The following PDE1A variants were observed in gnomAD, a reference collection of about 807,000 sequenced individuals.
PDE1A encodes phosphodiesterase 1A, also known as dual specificity calcium/calmodulin-dependent 3',5'-cyclic nucleotide phosphodiesterase 1A.
A neutral mutation model predicts 61.7 loss-of-function variants in PDE1A; 35 were observed. That is an observed-to-expected ratio of 0.57 (90% CI 0.43 to 0.75). The LOEUF (loss-of-function observed/expected upper bound fraction) is 0.75. Ranked by LOEUF, PDE1A falls within the 30% of genes least tolerant of loss-of-function variation. The pLI is 0.00. For missense variants in PDE1A, 597 were observed against 630.6 expected (o/e 0.95, Z 0.57); for synonymous variants, 232 against 213.2 (o/e 1.09, Z -0.77).
At chr2:182,399,136 T>C (rs1026461625) in intron 1 of PDE1A, among the ~76,000 whole-genome samples, 9 of 152,018 alleles carry the variant, frequency 5.9e-5, no homozygotes, top group Non-Finnish European at 1.5e-5. Context: ...CAGTTTAGCC[T>C]ATAATTAGAA....
At chr2:182,207,404 G>A (rs1472745224) in intron 7 of PDE1A, among the ~76,000 whole-genome samples, 1 of 152,184 alleles carries the variant, frequency 6.6e-6, no homozygotes, top group Non-Finnish European at 1.5e-5. Context: ...GAAATCTGTG[G>A]AATTTTGAAC....
the PDE1A span, among the ~76,000 whole-genome samples, chr2:182,678,780 G>A: frequency 6.6e-6 from 1 of 152,134 alleles, no homozygotes; most frequent in African/African-American, 2.4e-5. Flanking sequence ...TAGAGTAGTG[G>A]TTACCAGAGG....
the PDE1A span, among the ~76,000 whole-genome samples, chr2:182,625,503 C>A: frequency 7.9e-5 from 12 of 152,142 alleles, no homozygotes; most frequent in Admixed American, 7.2e-4. Flanking sequence ...CATGCAGAGA[C>A]CATGCCTTGA....
At chr2:182,708,770 C>T in the PDE1A span, among the ~76,000 whole-genome samples, 16 of 152,142 alleles carry the variant, frequency 1.1e-4, no homozygotes, top group East Asian at 1.9e-4. Flanking sequence ...CAAATTCTAC[C>T]GCTTACTAAC....
chr2:182,148,226 C>T (rs988860177), intron 13 of PDE1A, among the ~76,000 whole-genome samples: 7 of 152,138 alleles, frequency 4.6e-5, no homozygotes, highest in African/African-American at 1.7e-4. Context: ...AAAGATAAGA[C>T]TCCTTTCCCA....
chr2:182,323,234 T>A (rs1398601135), intron 1 of PDE1A, among the ~76,000 whole-genome samples: 1 of 152,226 alleles, frequency 6.6e-6, no homozygotes, highest in Non-Finnish European at 1.5e-5. Flanking sequence ...GTTTATCTCT[T>A]CTTTGTGACT....
chr2:182,444,982 CA>C (rs1178675212), intron 2 of PDE1A, among the ~76,000 whole-genome samples: 3 of 151,950 alleles, frequency 2.0e-5, no homozygotes, highest in Admixed American at 6.6e-5. Flanking sequence ...GGATCTGGGC[CA>C]AAAATTGTTT....
intron 1 of PDE1A, among the ~76,000 whole-genome samples, chr2:182,276,788 A>C (rs1232597535): frequency 6.6e-6 from 1 of 151,972 alleles, no homozygotes; most frequent in East Asian, 1.9e-4. Flanking sequence ...AAGGAATATT[A>C]ATAATTAAGA....
At chr2:182,341,983 G>C (rs1416041523) in intron 1 of PDE1A, among the ~76,000 whole-genome samples, 1 of 152,036 alleles carries the variant, frequency 6.6e-6, no homozygotes, top group Non-Finnish European at 1.5e-5. Flanking sequence ...TGCCCAGGCT[G>C]ATCTGGAACT....
intron 1 of PDE1A, among the ~76,000 whole-genome samples, chr2:182,337,681 C>T (rs1697926157): frequency 6.6e-6 from 1 of 152,076 alleles, no homozygotes; most frequent in African/African-American, 2.4e-5. Context: ...GGTCAATAAC[C>T]TTCGACAGCT....
chr2:182,404,951 T>C (rs1362459340), intron 1 of PDE1A, among the ~76,000 whole-genome samples: 2 of 152,096 alleles, frequency 1.3e-5, no homozygotes, highest in East Asian at 1.9e-4. Flanking sequence ...ACCAGTAACA[T>C]AGTTATTTAT....
At chr2:182,524,847 T>C (rs942776613), upstream of PDE1A, among the ~76,000 whole-genome samples, 1 of 151,934 alleles carries the variant, frequency 6.6e-6, no homozygotes, top group African/African-American at 2.4e-5. Flanking sequence ...TTTCCATTTA[T>C]TTTGCTTTAA....
the PDE1A span, among the ~76,000 whole-genome samples, chr2:182,619,018 T>C: frequency 2.0e-5 from 3 of 151,446 alleles, no homozygotes; most frequent in African/African-American, 7.3e-5. Context: ...TAAGTTGTCA[T>C]TGACTCCTCT....
chr2:182,683,322 C>A, the PDE1A span, among the ~76,000 whole-genome samples: 487 of 152,086 alleles, frequency 3.2e-3, 1 homozygote, highest in African/African-American at 0.011. Context: ...CATGATCCAC[C>A]CACCTCGGCC....
chr2:182,223,437 C>T (rs1295834874), intron 7 of PDE1A, among the ~76,000 whole-genome samples: 1 of 151,870 alleles, frequency 6.6e-6, no homozygotes, highest in Non-Finnish European at 1.5e-5. Context: ...AAATTTAATA[C>T]TTCATGTTGG....
intron 13 of PDE1A, among the ~76,000 whole-genome samples, chr2:182,147,821 G>A (rs905252524): frequency 6.6e-6 from 1 of 152,132 alleles, no homozygotes; most frequent in African/African-American, 2.4e-5. Context: ...GAAATATCTT[G>A]AGAGTTCAGG....
chr2:182,593,388 G>A, the PDE1A span, among the ~76,000 whole-genome samples: 1 of 152,170 alleles, frequency 6.6e-6, no homozygotes, highest in African/African-American at 2.4e-5. Flanking sequence ...ACTAACAGAA[G>A]AGCACTGCAG....
At chr2:182,585,711 T>G in the PDE1A span, among the ~76,000 whole-genome samples, 1 of 152,222 alleles carries the variant, frequency 6.6e-6, no homozygotes, top group Non-Finnish European at 1.5e-5. Flanking sequence ...ATTTCTCATC[T>G]TTGTATATTC....
the PDE1A span, among the ~76,000 whole-genome samples, chr2:182,678,222 A>G: frequency 1.1e-4 from 16 of 152,206 alleles, no homozygotes; most frequent in Non-Finnish European, 1.8e-4. Flanking sequence ...CAGGGGTTTG[A>G]GACCAGTCTG....
Sources: gnomAD v4.1 joint callset for allele counts (sites outside exome capture counted in the v4.1 genomes callset) on GRCh38, gnomAD v4.1.1 for gene constraint, MANE v1.5 for transcripts, NCBI Gene and HGNC (gene_info 2026-07-23, HGNC 2026-07-21) for gene names.